The following DOCK9 variants were observed in gnomAD, a reference collection of about 807,000 sequenced individuals.
DOCK9 encodes the protein dedicator of cytokinesis protein 9.
In DOCK9, 89 loss-of-function variants were observed where a neutral mutation model predicts 263.3. That is an observed-to-expected ratio of 0.34 (90% CI 0.28 to 0.40). The LOEUF (loss-of-function observed/expected upper bound fraction) is 0.40. Among genes scored for constraint, DOCK9 ranks in the 10% least tolerant of loss-of-function variants. DOCK9 has a pLI of 1.00. For synonymous variants in DOCK9, 976 were observed against 973.1 expected (o/e 1.00, Z -0.06); for missense variants, 2,140 against 2,603.4 (o/e 0.82, Z 3.87).
At chr13:98,954,601 A>C (rs2057810124) in intron 2 of DOCK9, among the ~76,000 whole-genome samples, 1 of 152,154 alleles carries the variant, frequency 6.6e-6, no homozygotes, top group Non-Finnish European at 1.5e-5. Flanking sequence ...TACACTACAG[A>C]GGTAAACTTC....
intron 1 of DOCK9, among the ~76,000 whole-genome samples, chr13:99,026,280 T>C (rs892755187): frequency 1.3e-5 from 2 of 152,158 alleles, no homozygotes; most frequent in African/African-American, 4.8e-5. Context: ...CATGTATGAA[T>C]CATATCCTGA....
intron 45 of DOCK9, among the ~76,000 whole-genome samples, chr13:98,817,290 C>T (rs2091930593): frequency 6.6e-6 from 1 of 152,028 alleles, no homozygotes; most frequent in South Asian, 2.1e-4. Flanking sequence ...GTGCTTGCTT[C>T]CCCTTCACCT....
chr13:99,040,735 A>C (rs1462036218), intron 1 of DOCK9, among the ~76,000 whole-genome samples: 1 of 152,154 alleles, frequency 6.6e-6, no homozygotes, highest in Non-Finnish European at 1.5e-5. Context: ...GAGGGTGGAG[A>C]AATTAGGAGG....
chr13:98,796,679 CTG>C (rs1566495107), intron 52 of DOCK9, among the ~76,000 whole-genome samples: 2 of 152,208 alleles, frequency 1.3e-5, no homozygotes, highest in African/African-American at 4.8e-5. Context: ...TGGAATCAGT[CTG>C]TATTTTTAAA....
In DOCK9 at chr13:98,850,055, T is replaced by C. The variant is rs1474204271; in HGVS notation, c.4005A>G (p.Thr1335=). The change falls in exon 36 of 53, where the codon ACA becomes ACG. Residue 1335 remains threonine, a synonymous_variant. Transcript: ENST00000682017. The stretch of plus-strand genomic sequence containing the variant: ...AAGAGAAAGCTACTTACTCAGATAT[T>C]GTAAAAAAATCCATAAGTTCAGATG... ...ASTSELMDFF[T]ISEVCLHQFQ... The C allele has an allele frequency of 1.3e-6, 2 of 1,565,248 alleles. No homozygotes were observed. Among genetic ancestry groups the C allele is most frequent in the African/African-American group, 1.4e-5 (1 of 73,392 alleles).
At chr13:98,907,285 C>G (rs1444695402) in intron 9 of DOCK9, among the ~76,000 whole-genome samples, 1 of 152,200 alleles carries the variant, frequency 6.6e-6, no homozygotes, top group Non-Finnish European at 1.5e-5. Context: ...CCGCTTGAGC[C>G]CTTCAACAAA....
chr13:99,065,804 C>T (rs759608647), intron 1 of DOCK9, among the ~76,000 whole-genome samples: 1 of 152,190 alleles, frequency 6.6e-6, no homozygotes, highest in African/African-American at 2.4e-5. Flanking sequence ...ATTAGTCAGT[C>T]GGCAAGATGG....
chr13:98,826,953 G>A (rs2092567353), intron 43 of DOCK9, 66 bp from the exon 44 acceptor site: 7 of 1,240,588 alleles, frequency 5.6e-6, no homozygotes, highest in Middle Eastern at 1.9e-4. Flanking sequence ...CTCCCACACA[G>A]ACAGAAATCT....
rs765729652 is a variant in DOCK9 at position 98,886,562 on chromosome 13, G to A, written c.2106C>T (p.His702=). 1.2e-6 allele frequency: 2 copies of A among 1,613,758 alleles called. No homozygotes were observed. The highest frequency in any genetic ancestry group is 1.7e-5 in the Admixed American group (1 of 60,010). ...FTRSAFAAVL[H]HHQNPEFYDE... ...CATAAAATTCTGGGTTTTGGTGATG[G>A]TGTAAAACTGCAGCAAAGGCGCTTC... Residue 702 remains histidine (H), a synonymous_variant, in exon 19 of 53, where the codon CAC becomes CAT. Transcript: ENST00000682017.
At chr13:98,902,635 A>T in intron 11 of DOCK9, 144 bp from the exon 12 acceptor site, 2 of 769,034 alleles carry the variant, frequency 2.6e-6, no homozygotes, top group South Asian at 3.7e-5. Context: ...GCATACAGAG[A>T]ATTAGCTTAT....
chr13:99,064,213 C>T (rs140898062), intron 1 of DOCK9, among the ~76,000 whole-genome samples: 1 of 152,296 alleles, frequency 6.6e-6, no homozygotes, highest in African/African-American at 2.4e-5. Flanking sequence ...CAGCAAGTCC[C>T]CATTTTCTAT....
intron 38 of DOCK9, among the ~76,000 whole-genome samples, chr13:98,844,565 G>A (rs1325363891): frequency 6.6e-6 from 1 of 152,068 alleles, no homozygotes; most frequent in Non-Finnish European, 1.5e-5. Flanking sequence ...GTTTCACCAT[G>A]TTGGCCAGGC....
At chr13:98,932,752 C>T (rs746564823) in intron 2 of DOCK9, among the ~76,000 whole-genome samples, 67 of 152,078 alleles carry the variant, frequency 4.4e-4, no homozygotes, top group Non-Finnish European at 3.4e-4. Flanking sequence ...AATCTTAAAG[C>T]CTATTTTTAG....
Position 98,826,477 on chromosome 13 carries a change from G to A in DOCK9, c.5023+353C>T, listed in dbSNP as rs115287648. Among the ~76,000 whole-genome samples the A allele has an allele frequency of 9.2e-3, 1,401 of 152,296 alleles. 14 individuals carry two copies. Among genetic ancestry groups the A allele is most frequent in the African/African-American group, 0.031 (1,304 of 41,556 alleles). On this transcript the variant is annotated intron_variant, in intron 44 of 52. Transcript: ENST00000682017. ...CAGAAATGCTGTCTGATAATCTCCC[G>A]TTACAACTTTTTGATTGCCTAAACA...
chr13:98,871,961 A>G (rs1433362345), intron 27 of DOCK9: 1 of 152,898 alleles, frequency 6.5e-6, no homozygotes, highest in African/African-American at 2.4e-5. Flanking sequence ...GATCTCCCTG[A>G]AGACCCACAC....
At chr13:99,008,223 T>TAG (rs1278018323) in intron 1 of DOCK9, among the ~76,000 whole-genome samples, 1 of 121,218 alleles carries the variant, frequency 8.2e-6, no homozygotes, top group Non-Finnish European at 1.7e-5. Context: ...TATATATATA[T>TAG]ATATATATAT....
At chr13:98,951,024 A>T (rs1341048090) in intron 2 of DOCK9, among the ~76,000 whole-genome samples, 1 of 152,246 alleles carries the variant, frequency 6.6e-6, no homozygotes, top group Non-Finnish European at 1.5e-5. Context: ...GCGACAAGTC[A>T]ACTTATACAG....
intron 30 of DOCK9, among the ~76,000 whole-genome samples, chr13:98,864,885 C>T (rs1042994380): frequency 5.3e-5 from 8 of 152,018 alleles, no homozygotes; most frequent in South Asian, 2.1e-4. Flanking sequence ...TGGTTGTTTA[C>T]GAGAGTGTGG....
At chr13:98,934,814 G>C (rs2054553580) in intron 2 of DOCK9, among the ~76,000 whole-genome samples, 1 of 152,160 alleles carries the variant, frequency 6.6e-6, no homozygotes, top group Non-Finnish European at 1.5e-5. Context: ...ACATTCTACT[G>C]ATCATTTAAG....
Sources: gnomAD v4.1 joint callset for allele counts (sites outside exome capture counted in the v4.1 genomes callset) on GRCh38, gnomAD v4.1.1 for gene constraint, MANE v1.5 for transcripts, NCBI Gene and HGNC (gene_info 2026-07-23, HGNC 2026-07-21) for gene names.